The following ARMH4 variants were observed in gnomAD, a reference collection of about 807,000 sequenced individuals.
ARMH4 encodes the protein armadillo-like helical domain-containing protein 4.
In ARMH4, 49 loss-of-function variants were observed where a neutral mutation model predicts 61.9. The ratio of observed to expected loss-of-function variants is 0.79; its 90% confidence interval spans 0.63 to 1.00. The LOEUF (loss-of-function observed/expected upper bound fraction) is 1.00. Ranked by LOEUF, ARMH4 falls within the 50% of genes least tolerant of loss-of-function variation. ARMH4 has a pLI of 0.00. For synonymous variants in ARMH4, 368 were observed against 341.5 expected (o/e 1.08, Z -0.85); for missense variants, 934 against 930.0 (o/e 1.00, Z -0.06).
intron 5 of ARMH4, among the ~76,000 whole-genome samples, chr14:58,074,667 G>C (rs148229544): frequency 1.3e-5 from 2 of 152,118 alleles, no homozygotes; most frequent in African/African-American, 4.8e-5. Flanking sequence ...CCATGATGCG[G>C]TTTTCCACCA....
chr14:58,141,886 G>C (rs546865128), intron 1 of ARMH4, among the ~76,000 whole-genome samples: 1 of 152,250 alleles, frequency 6.6e-6, no homozygotes, highest in South Asian at 2.1e-4. Context: ...AGTTAAGCAA[G>C]GTTAATAGTT....
chr14:58,039,554 T>A (rs558101497), intron 5 of ARMH4, among the ~76,000 whole-genome samples: 3 of 152,294 alleles, frequency 2.0e-5, no homozygotes, highest in African/African-American at 7.2e-5. Flanking sequence ...CTCTTTGCCA[T>A]TTAAAGGAAG....
Position 58,009,845 on chromosome 14 carries a change from T to G in ARMH4, c.2121+2274A>C, listed in dbSNP as rs189400257. Among the ~76,000 whole-genome samples the G allele has an allele frequency of 1.8e-3, 227 of 128,342 alleles. 2 individuals carry two copies. The highest frequency in any genetic ancestry group is 2.7e-3 in the Non-Finnish European group (164 of 61,040). The allele number at this position is 128,342 out of a possible 152,430, so 84.2% of individuals were successfully genotyped here. On this transcript the variant is annotated intron_variant, in intron 6 of 7. Transcript: ENST00000267485. Reference sequence around the variant, plus strand: ...AAAAAAAAAGAGAGAGAGAGAGAGATAACAAACTTCTATCTTGGCTAAGCC... The same window carrying G: ...AAAAAAAAAGAGAGAGAGAGAGAGAGAACAAACTTCTATCTTGGCTAAGCC...
intron 5 of ARMH4, among the ~76,000 whole-genome samples, chr14:58,078,025 G>A (rs1223792605): frequency 2.6e-5 from 4 of 152,192 alleles, no homozygotes; most frequent in East Asian, 1.9e-4. Flanking sequence ...GCTGAAGTCC[G>A]GAGGTATTCC....
chr14:58,108,629 C>T (rs988481129), intron 4 of ARMH4, among the ~76,000 whole-genome samples: 6 of 152,052 alleles, frequency 3.9e-5, no homozygotes, highest in African/African-American at 1.2e-4. Flanking sequence ...TTTGTTTATC[C>T]CCATGTCAAG....
intron 5 of ARMH4, among the ~76,000 whole-genome samples, chr14:58,056,636 TGTG>T (rs1884358724): frequency 6.6e-6 from 1 of 152,180 alleles, no homozygotes; most frequent in South Asian, 2.1e-4. Flanking sequence ...GGGTTAGGCA[TGTG>T]GCCAAGGTCA....
intron 6 of ARMH4, 83 bp from the exon 7 acceptor site, chr14:58,005,265 G>T: frequency 6.4e-7 from 1 of 1,552,866 alleles, no homozygotes; most frequent in Admixed American, 1.8e-5. Flanking sequence ...ATGGCAGCAG[G>T]TTTTTAGACA....
intron 5 of ARMH4, among the ~76,000 whole-genome samples, chr14:58,015,753 T>C (rs1882586852): frequency 7.9e-6 from 1 of 126,808 alleles, no homozygotes; most frequent in Admixed American, 8.0e-5. Context: ...ATATTTTTAG[T>C]TAAAAAAAAA....
Position 58,012,151 on chromosome 14 carries a change from C to G in ARMH4, c.2090-1G>C, listed in dbSNP as rs1378532878. ...TTTAATTTTTCCATCCAGCTTCTCA[C>G]TAGGAAAAAAATAAGATAATAAAAT... On this transcript the variant is annotated splice_acceptor_variant, in intron 5 of 7. Transcript: ENST00000267485. LOFTEE classifies it high-confidence loss of function. 7.2e-7 allele frequency: 1 copy of G among 1,389,764 alleles called. No individual in the cohort carries two copies. Among genetic ancestry groups the G allele is most frequent in the Non-Finnish European group, 9.8e-7 (1 of 1,021,516 alleles). The allele number at this position is 1,389,764 out of a possible 1,614,324, so 86.1% of individuals were successfully genotyped here.
At chr14:58,017,020 A>T (rs1465395685) in intron 5 of ARMH4, among the ~76,000 whole-genome samples, 1 of 152,220 alleles carries the variant, frequency 6.6e-6, no homozygotes, top group Non-Finnish European at 1.5e-5. Context: ...TCCAAATTAT[A>T]AAGGAAGAAC....
At chr14:58,080,033 A>T (rs1840640497) in intron 5 of ARMH4, among the ~76,000 whole-genome samples, 1 of 152,180 alleles carries the variant, frequency 6.6e-6, no homozygotes, top group African/African-American at 2.4e-5. Context: ...CATCTGCAGT[A>T]GGCAACAGCC....
intron 1 of ARMH4, among the ~76,000 whole-genome samples, chr14:58,144,801 G>C (rs895617458): frequency 6.6e-6 from 1 of 152,064 alleles, no homozygotes; most frequent in African/African-American, 2.4e-5. Flanking sequence ...CCAGGAGGCC[G>C]AGCTTGCCGT....
chr14:58,048,809 C>T (rs560512433), intron 5 of ARMH4, among the ~76,000 whole-genome samples: 1 of 152,196 alleles, frequency 6.6e-6, no homozygotes, highest in South Asian at 2.1e-4. Context: ...GTGAGAAAGT[C>T]ACTCAAAAGC....
At chr14:58,060,716 A>G (rs556581826) in intron 5 of ARMH4, among the ~76,000 whole-genome samples, 1 of 152,178 alleles carries the variant, frequency 6.6e-6, no homozygotes, top group Non-Finnish European at 1.5e-5. Context: ...TGTCTGAAAA[A>G]GGTCACTACT....
At chr14:58,011,673 T>C (rs1455455913) in intron 6 of ARMH4, among the ~76,000 whole-genome samples, 1 of 151,838 alleles carries the variant, frequency 6.6e-6, no homozygotes, top group Non-Finnish European at 1.5e-5. Context: ...AAAATCTTTA[T>C]CTGTAGTTGG....
At chr14:58,100,748 G>C (rs762915828) in intron 4 of ARMH4, among the ~76,000 whole-genome samples, 12 of 152,194 alleles carry the variant, frequency 7.9e-5, no homozygotes, top group Admixed American at 2.0e-4. Flanking sequence ...CCTTCTCCTG[G>C]AGTGCCCCTG....
At chr14:58,090,896 G>GAAAGA (rs1203735057) in intron 5 of ARMH4, among the ~76,000 whole-genome samples, 3 of 137,194 alleles carry the variant, frequency 2.2e-5, no homozygotes, top group Non-Finnish European at 4.7e-5. Flanking sequence ...AAAAAAAAAA[G>GAAAGA]AAAGAAAAGA....
At chr14:58,023,355 G>A (rs1882913853) in intron 5 of ARMH4, among the ~76,000 whole-genome samples, 1 of 152,142 alleles carries the variant, frequency 6.6e-6, no homozygotes, top group African/African-American at 2.4e-5. Flanking sequence ...CACACCAGGA[G>A]TAAATTCTAT....
intron 4 of ARMH4, chr14:58,101,095 C>A (rs1210235717): frequency 6.2e-6 from 1 of 161,038 alleles, no homozygotes; most frequent in Non-Finnish European, 1.4e-5. Flanking sequence ...TGCACACATT[C>A]TGTAGGGGTT....
Sources: gnomAD v4.1 joint callset for allele counts (sites outside exome capture counted in the v4.1 genomes callset) on GRCh38, gnomAD v4.1.1 for gene constraint, MANE v1.5 for transcripts, NCBI Gene and HGNC (gene_info 2026-07-23, HGNC 2026-07-21) for gene names.